Variants in KCP observed in about 807,000 individuals in gnomAD.
KCP encodes kielin/chordin-like protein.
A neutral mutation model predicts 212.7 loss-of-function variants in KCP; 194 were observed. The observed-to-expected ratio is 0.91, with a 90% CI of 0.81 to 1.03. KCP has a LOEUF of 1.03. Ranked by LOEUF, KCP falls within the 50% of genes least tolerant of loss-of-function variation. KCP has a pLI of 0.00. For missense variants in KCP, 2,080 were observed against 2,162.5 expected, an observed-to-expected ratio of 0.96 and a Z score of 0.76; for synonymous variants, 833 against 865.3, an observed-to-expected ratio of 0.96 and a Z score of 0.65.
In KCP at chr7:128,885,136, G is replaced by A. The variant is rs756253017; in HGVS notation, c.3001C>T (p.Pro1001Ser). ...CAGCAGTCATGGGGCCCTTGGCGGGGCTGGGCGCAAGAGCTGATGCACTGG... is the reference window on the plus strand; with the variant it reads ...CAGCAGTCATGGGGCCCTTGGCGGGACTGGGCGCAAGAGCTGATGCACTGG... ...RIQCISSCAQPRQGPHDCCPQ... is the reference protein window; with the variant it reads ...RIQCISSCAQSRQGPHDCCPQ... The change falls in exon 27 of 40, where the codon CCC becomes TCC. Residue 1001 changes from proline (P) to serine (S), a missense_variant. By Grantham distance (74) the Pro-to-Ser change is moderately conservative (BLOSUM62 -1). Transcript: ENST00000610776. 1 of 1,550,850 alleles carries A rather than the reference G, an allele frequency of 6.4e-7. No homozygotes were observed. Among genetic ancestry groups the A allele is most frequent in the South Asian group, 1.2e-5 (1 of 84,066 alleles).
chr7:128,896,659 G>C (rs1191028830), intron 8 of KCP, among the ~76,000 whole-genome samples: 1 of 152,160 alleles, frequency 6.6e-6, no homozygotes, highest in East Asian at 1.9e-4. Context: ...TTGGGAGGCC[G>C]AGGAGGGCGG....
At chr7:128,896,728 T>C (rs1794547667) in intron 8 of KCP, among the ~76,000 whole-genome samples, 1 of 151,798 alleles carries the variant, frequency 6.6e-6, no homozygotes, top group Admixed American at 6.6e-5. Flanking sequence ...CCGTCTCTAC[T>C]AAAAATACAA....
chr7:128,903,864 C>T, intron 6 of KCP, 44 bp from the exon 7 acceptor site: 1 of 785,508 alleles, frequency 1.3e-6, no homozygotes, highest in South Asian at 1.4e-5. Context: ...CTGGCTCCCG[C>T]AGAGGGCTGG....
At chr7:128,881,285 C>T (rs1166729182) in intron 31 of KCP, among the ~76,000 whole-genome samples, 200 bp from the exon 32 acceptor site, 1 of 152,242 alleles carries the variant, frequency 6.6e-6, no homozygotes, top group Non-Finnish European at 1.5e-5. Flanking sequence ...TCTCTAGGGT[C>T]CTAGGAGCCC....
At chr7:128,893,355 G>A (rs984874575) in intron 12 of KCP, 36 bp from the exon 13 acceptor site, 2 of 1,551,382 alleles carry the variant, frequency 1.3e-6, no homozygotes. Flanking sequence ...CTGAAGGAAT[G>A]AGGCAGATCT....
intron 5 of KCP, among the ~76,000 whole-genome samples, chr7:128,905,747 C>A (rs901583393): frequency 3.3e-5 from 5 of 152,078 alleles, no homozygotes; most frequent in Non-Finnish European, 7.4e-5. Flanking sequence ...ACTGGCCTTC[C>A]CACATGGACT....
At chr7:128,890,827 G>T in intron 20 of KCP, 78 bp downstream of exon 20, 1 of 1,164,792 alleles carries the variant, frequency 8.6e-7, no homozygotes, top group Admixed American at 3.3e-5. Context: ...CTGGAGGAAG[G>T]GGACTGGGCA....
At chr7:128,889,516 C>T (rs1793952941) in intron 21 of KCP, among the ~76,000 whole-genome samples, 1 of 152,126 alleles carries the variant, frequency 6.6e-6, no homozygotes, top group African/African-American at 2.4e-5. Flanking sequence ...TGCTCACCTC[C>T]CTTTTTAAAA....
chr7:128,907,555 G>C, intron 2 of KCP, 102 bp from the exon 3 acceptor site: 1 of 783,476 alleles, frequency 1.3e-6, no homozygotes, highest in Non-Finnish European at 1.8e-6. Context: ...AAAGAAGTTC[G>C]CCAATTCCAG....
chr7:128,878,997 C>G (rs1161683300), intron 37 of KCP: 1 of 471,660 alleles, frequency 2.1e-6, no homozygotes, highest in Non-Finnish European at 3.8e-6. Context: ...GCACTGGGCC[C>G]CAGGTGAAAT....
chr7:128,899,657 A>T (rs575567296), intron 8 of KCP, among the ~76,000 whole-genome samples: 1 of 152,344 alleles, frequency 6.6e-6, no homozygotes, highest in East Asian at 1.9e-4. Flanking sequence ...AAATTGGAGC[A>T]TATTTATTTC....
At chr7:128,903,625 C>T (rs6955736) in intron 7 of KCP, 102 bp downstream of exon 7, 193,062 of 923,042 alleles carry the variant, frequency 0.21, 25,041 homozygotes, top group East Asian at 0.53. Context: ...AGCTCCGCCA[C>T]GGACCAAACC....
At chr7:128,878,793 G>T in intron 37 of KCP, 71 bp from the exon 38 acceptor site, 1 of 1,446,748 alleles carries the variant, frequency 6.9e-7, no homozygotes. Flanking sequence ...GTCCATCATG[G>T]CCCCAGGCAC....
At chr7:128,909,394 C>G (rs1795314401) in intron 1 of KCP, among the ~76,000 whole-genome samples, 1 of 152,176 alleles carries the variant, frequency 6.6e-6, no homozygotes, top group Non-Finnish European at 1.5e-5. Flanking sequence ...CTCACAGACA[C>G]TAGGCCTGTG....
intron 5 of KCP, among the ~76,000 whole-genome samples, chr7:128,904,945 T>G (rs190057258): frequency 6.6e-6 from 1 of 152,184 alleles, no homozygotes; most frequent in South Asian, 2.1e-4. Flanking sequence ...AGACATCATA[T>G]AGGCTAGCAG....
intron 7 of KCP, 25 bp from the exon 8 acceptor site, chr7:128,902,884 G>C (rs1273339599): frequency 1.3e-5 from 20 of 1,538,750 alleles, no homozygotes; most frequent in Non-Finnish European, 1.6e-5. Flanking sequence ...TTGAGAAGAG[G>C]GAGGCCTGGT....
Position 128,881,980 on chromosome 7 carries a change from G to T in KCP, c.3281C>A (p.Ser1094Tyr), listed in dbSNP as rs1170901225. Residue 1094 changes from serine (S) to tyrosine (Y), a missense_variant, in exon 30 of 40, where the codon TCT (serine) becomes TAT (tyrosine). Physicochemically the swap from Ser to Tyr is moderately radical, Grantham distance 144. Transcript: ENST00000610776. ...GCAGGGGTCTGGTGGGGCTAGCTCA[G>T]ATCCCAGCAGGCCCTCTGAACAGTT... ...LSNCSEGLLG[S>Y]ELAPPDPCYT... The T allele has an allele frequency of 1.3e-6, 2 of 1,551,300 alleles. No individual in the cohort carries two copies. Among genetic ancestry groups the T allele is most frequent in the East Asian group, 4.9e-5 (2 of 40,916 alleles).
At chr7:128,885,363 C>T (rs1793587689) in intron 26 of KCP, 93 bp from the exon 27 acceptor site, 4 of 1,317,812 alleles carry the variant, frequency 3.0e-6, no homozygotes, top group Middle Eastern at 2.0e-4. Flanking sequence ...AGGCACGTGG[C>T]GCCAGGAGTG....
Position 128,893,815 on chromosome 7 carries a change from CAG to C in KCP, c.1088_1089del (p.Pro363ArgfsTer6). The stretch of plus-strand genomic sequence containing the variant: ...CCCGGCCCCCACTCACCATCGCAGA[CAG>C]GGCAGCACTGCCCAGGGATCTTGCC... ...HPGKIPGQCC[P>X]VCDGCEYQGH... On this transcript the variant is annotated frameshift_variant, in exon 11 of 40. Coordinates refer to ENST00000610776, the MANE Select transcript of KCP (RefSeq NM_001366122.1). LOFTEE classifies it high-confidence loss of function. 1 of 1,550,894 alleles carries C rather than the reference CAG, an allele frequency of 6.4e-7. No homozygotes were observed. The highest frequency in any genetic ancestry group is 8.7e-7 in the Non-Finnish European group (1 of 1,146,892).
Sources: allele counts gnomAD v4.1 joint callset (sites outside exome capture counted in the v4.1 genomes callset), GRCh38; gene constraint gnomAD v4.1.1; transcripts MANE v1.5; gene names NCBI Gene and HGNC (gene_info 2026-07-23, HGNC 2026-07-21).